ACACA: variants seen among roughly 807,000 people sequenced by gnomAD.
ACACA encodes acetyl-CoA carboxylase 1.
Under a neutral mutation model 296.1 loss-of-function variants are expected in ACACA, and 103 were observed. That is an observed-to-expected ratio of 0.35 (90% CI 0.30 to 0.41). The LOEUF is 0.41. Ranked by LOEUF, ACACA falls within the 10% of genes least tolerant of loss-of-function variation. The pLI, the probability that ACACA is intolerant of heterozygous loss-of-function variation, is 1.00. For synonymous variants in ACACA, 953 were observed against 1,038.6 expected (o/e 0.92, Z 1.58); for missense variants, 1,554 against 2,989.7 (o/e 0.52, Z 11.20).
intron 55 of ACACA, 44 bp from the exon 56 acceptor site, chr17:37,087,483 G>A (rs1199184114): frequency 3.7e-6 from 6 of 1,613,102 alleles, no homozygotes; most frequent in Non-Finnish European, 5.1e-6. Flanking sequence ...AGAAGCAGAA[G>A]TGTCTAGATG....
intron 38 of ACACA, 32 bp from the exon 39 acceptor site, chr17:37,188,512 T>C (rs2077622499): frequency 6.2e-7 from 1 of 1,607,982 alleles, no homozygotes. Flanking sequence ...GCACAAAACT[T>C]AAATATCTTC....
intron 48 of ACACA, among the ~76,000 whole-genome samples, chr17:37,124,371 A>G (rs972275663): frequency 6.6e-6 from 1 of 152,238 alleles, no homozygotes; most frequent in Non-Finnish European, 1.5e-5. Context: ...ATAAGTGTAA[A>G]GTATTTTTCT....
chr17:37,173,986 A>ATATATTTT (rs2076984192), intron 41 of ACACA, among the ~76,000 whole-genome samples: 2 of 8,364 alleles, frequency 2.4e-4, no homozygotes, highest in African/African-American at 1.2e-3. Flanking sequence ...GCTAATTTAT[A>ATATATTTT]TATATATATA....
chr17:37,367,553 T>C (rs1490635738), intron 1 of ACACA: 1 of 152,150 alleles, frequency 6.6e-6, no homozygotes, highest in Non-Finnish European at 1.5e-5. Context: ...CTTATCTATA[T>C]TATATATATC....
chr17:37,086,614 C>T lies in ACACA; in HGVS notation c.*702G>A, dbSNP rs1192702063. 6.5e-6 allele frequency: 1 copy of T among 153,190 alleles called. No homozygotes were observed. Among genetic ancestry groups the T allele is most frequent in the Non-Finnish European group, 1.5e-5 (1 of 68,736 alleles). The allele number at this position is 153,190 out of a possible 1,614,324, so 9.5% of individuals were successfully genotyped here. On this transcript the variant is annotated 3_prime_UTR_variant, in exon 56 of 56. Coordinates refer to ENST00000616317, the MANE Select transcript of ACACA (RefSeq NM_198834.3). Reference sequence around the variant, plus strand: ...CAACAACTACCTTTCCCTTTGTCCTCAGAGACTGAACCCAAGGTTGAGGTC... The same window carrying T: ...CAACAACTACCTTTCCCTTTGTCCTTAGAGACTGAACCCAAGGTTGAGGTC...
At chr17:37,108,466 G>A (rs2073811837) in intron 52 of ACACA, among the ~76,000 whole-genome samples, 1 of 151,542 alleles carries the variant, frequency 6.6e-6, no homozygotes, top group African/African-American at 2.4e-5. Flanking sequence ...TCGGCTCACT[G>A]CAACCTCCAC....
intron 1 of ACACA, chr17:37,388,675 G>A (rs2050657393): frequency 1.2e-6 from 2 of 1,611,966 alleles, no homozygotes; most frequent in African/African-American, 2.7e-5. Context: ...TTTAGACACA[G>A]ATGAGAACCT....
chr17:37,287,445 G>A (rs922976960), intron 3 of ACACA, among the ~76,000 whole-genome samples: 3 of 151,798 alleles, frequency 2.0e-5, no homozygotes, highest in Admixed American at 6.6e-5. Flanking sequence ...AACAAGAAGG[G>A]ACAAGGCCAG....
chr17:37,244,434 T>TAAAGACCTCAAGTCCCACAACTGAAGGTG (rs1319079605), intron 21 of ACACA, among the ~76,000 whole-genome samples, 154 bp downstream of exon 21: 3 of 152,142 alleles, frequency 2.0e-5, no homozygotes, highest in African/African-American at 7.2e-5. Flanking sequence ...AACATGGATT[T>TAAAGACCTCAAGTCCCACAACTGAAGGTG]AAAGACCTCA....
chr17:37,315,343 G>A (rs2047040914), intron 3 of ACACA, among the ~76,000 whole-genome samples: 1 of 152,170 alleles, frequency 6.6e-6, no homozygotes, highest in Non-Finnish European at 1.5e-5. Context: ...TTATGTCTGA[G>A]CTGTATTTAC....
chr17:37,314,827 G>A lies in ACACA; in HGVS notation c.338+15346C>T, dbSNP rs548375388. Reference sequence around the variant, plus strand: ...GGGTAAGTTTTGTATCTTTAGTAGAGACGTGGTTTCACTGTGTTGGCCAGG... The same window carrying A: ...GGGTAAGTTTTGTATCTTTAGTAGAAACGTGGTTTCACTGTGTTGGCCAGG... On this transcript the variant is annotated intron_variant, in intron 3 of 55. Transcript: ENST00000616317. Among the ~76,000 whole-genome samples the A allele has an allele frequency of 3.2e-4, 48 of 151,314 alleles. No homozygotes were observed. In the South Asian group the frequency reaches 9.2e-3, roughly 29 times the overall value.
At chr17:37,248,194 C>T (rs112081998) in intron 17 of ACACA, 38 bp from the exon 18 acceptor site, 2 of 1,611,832 alleles carry the variant, frequency 1.2e-6, no homozygotes. Flanking sequence ...GTGTCCCTTC[C>T]AGGTACAGCT....
At chr17:37,140,263 G>A (rs1196290713) in intron 45 of ACACA, among the ~76,000 whole-genome samples, 1 of 152,014 alleles carries the variant, frequency 6.6e-6, no homozygotes, top group Non-Finnish European at 1.5e-5. Context: ...TTACTTTTCT[G>A]TAATCTGGAT....
intron 45 of ACACA, among the ~76,000 whole-genome samples, chr17:37,138,885 G>T (rs959626906): frequency 2.0e-5 from 3 of 152,218 alleles, no homozygotes; most frequent in African/African-American, 7.2e-5. Flanking sequence ...GTGGTAGGGA[G>T]CTGCAAAGCT....
chr17:37,253,379 G>A lies in ACACA; in HGVS notation c.1827-343C>T, dbSNP rs377745369. On this transcript the variant is annotated intron_variant, in intron 14 of 55. Coordinates refer to ENST00000616317, the MANE Select transcript of ACACA (RefSeq NM_198834.3). Reference sequence around the variant, plus strand: ...TGCACTCTAGCCTGGGCGACAGAGCGAGACTCTGTCCCCCCAAAAAAATAA... The same window carrying A: ...TGCACTCTAGCCTGGGCGACAGAGCAAGACTCTGTCCCCCCAAAAAAATAA... Among the ~76,000 whole-genome samples the A allele has an allele frequency of 3.0e-4, 45 of 152,176 alleles. No homozygotes were observed. The South Asian group carries it at 8.7e-3, about 29-fold the overall frequency.
At chr17:37,311,409 A>G (rs2084133795) in intron 3 of ACACA, among the ~76,000 whole-genome samples, 1 of 125,734 alleles carries the variant, frequency 8.0e-6, no homozygotes, top group Non-Finnish European at 1.5e-5. Context: ...GTTCTGGGTT[A>G]CAAAACACAC....
intron 41 of ACACA, chr17:37,162,577 T>C: frequency 1.2e-5 from 3 of 260,268 alleles, no homozygotes; most frequent in Non-Finnish European, 2.2e-5. Flanking sequence ...TGAAAGAGTG[T>C]GGCCTCTTGT....
At chr17:37,182,462 T>C (rs1463910107) in intron 39 of ACACA, among the ~76,000 whole-genome samples, 2 of 152,176 alleles carry the variant, frequency 1.3e-5, no homozygotes, top group Non-Finnish European at 2.9e-5. Flanking sequence ...ACACTGGTTT[T>C]TAATCATTTT....
In ACACA at chr17:37,085,321, G is replaced by A. The variant is rs921787520; in HGVS notation, c.*1995C>T. ...GGGATGGGGGAGGAGGCATTACAGGGTTCTAGAGAGGAAACATACTCGTTT... is the reference window on the plus strand; with the variant it reads ...GGGATGGGGGAGGAGGCATTACAGGATTCTAGAGAGGAAACATACTCGTTT... On this transcript the variant is annotated 3_prime_UTR_variant, in exon 56 of 56. Transcript: ENST00000616317. 135 of 297,130 alleles carry A rather than the reference G, an allele frequency of 4.5e-4. No homozygotes were observed. Among genetic ancestry groups the A allele is most frequent in the African/African-American group, 2.8e-3 (132 of 46,362 alleles). 18.4% of individuals were successfully genotyped at this position (297,130 alleles called of 1,614,324 possible).
Sources: allele counts gnomAD v4.1 joint callset (sites outside exome capture counted in the v4.1 genomes callset), GRCh38; gene constraint gnomAD v4.1.1; transcripts MANE v1.5; gene names NCBI Gene and HGNC (gene_info 2026-07-23, HGNC 2026-07-21).